Variants in C11orf65 observed in about 807,000 individuals in gnomAD.
The protein encoded by C11orf65 is protein MFI.
A neutral mutation model predicts 35.3 loss-of-function variants in C11orf65; 38 were observed. The ratio of observed to expected loss-of-function variants is 1.08; its 90% confidence interval spans 0.83 to 1.41. The LOEUF (loss-of-function observed/expected upper bound fraction) is 1.41, where lower values mean the gene tolerates loss of function less well. C11orf65 is among the 40% of genes most tolerant of loss of function. The probability of loss-of-function intolerance (pLI) is 0.00; values close to 1 mark genes in which losing one functional copy is unlikely to be tolerated. For synonymous variants in C11orf65, 105 were observed against 114.4 expected (o/e 0.92, Z 0.53); for missense variants, 370 against 367.1 (o/e 1.01, Z -0.06).
At position 108,443,540 on chromosome 11, in the gene C11orf65, G is replaced by A. The variant is rs11512449; in HGVS notation, c.82-11702C>T. Among the ~76,000 whole-genome samples, 923 of 152,140 alleles carry A rather than the reference G, an allele frequency of 6.1e-3. 6 individuals are homozygous for A. Among genetic ancestry groups the A allele is most frequent in the East Asian group, 0.011 (55 of 5,190 alleles). On this transcript the variant is annotated intron_variant, in intron 2 of 8. Transcript: ENST00000393084. ...AATATACATTTTTACAGCATCACAC[G>A]ACACCTATCCCAAAATTGACCCCAT...
intron 7 of C11orf65, among the ~76,000 whole-genome samples, chr11:108,388,999 G>C (rs543181728): frequency 4.3e-4 from 66 of 152,354 alleles, no homozygotes; most frequent in African/African-American, 1.5e-3. Context: ...GGAGAGCATC[G>C]GTCTGTCATA....
chr11:108,369,772 C>T (rs1326773583), intron 2 of C11orf65, among the ~76,000 whole-genome samples: 2 of 152,114 alleles, frequency 1.3e-5, no homozygotes, highest in African/African-American at 4.8e-5. Context: ...TGCTGCCTCA[C>T]TTGATATTTT....
At chr11:108,442,802 C>A (rs1477820467) in intron 2 of C11orf65, among the ~76,000 whole-genome samples, 2 of 152,196 alleles carry the variant, frequency 1.3e-5, no homozygotes, top group East Asian at 3.9e-4. Context: ...ACCAGGCCTC[C>A]CTTACAACAG....
chr11:108,334,697 A>T (rs1189382317), intron 3 of C11orf65, among the ~76,000 whole-genome samples: 1 of 151,520 alleles, frequency 6.6e-6, no homozygotes, highest in African/African-American at 2.4e-5. Flanking sequence ...AACCCAGAAA[A>T]CTCCTTCTAC....
intron 2 of C11orf65, among the ~76,000 whole-genome samples, chr11:108,440,315 A>T (rs2093130896): frequency 6.6e-6 from 1 of 152,190 alleles, no homozygotes; most frequent in Non-Finnish European, 1.5e-5. Flanking sequence ...TATTATGCTC[A>T]TAATTATGGG....
intron 2 of C11orf65, chr11:108,340,122 C>T (rs960878228): frequency 3.3e-5 from 5 of 152,040 alleles, no homozygotes; most frequent in African/African-American, 4.8e-5. Flanking sequence ...ACCACCTTCA[C>T]TTGGTTGCTC....
intron 3 of C11orf65, among the ~76,000 whole-genome samples, chr11:108,413,252 G>A (rs1236220110): frequency 6.6e-6 from 1 of 152,208 alleles, no homozygotes; most frequent in Non-Finnish European, 1.5e-5. Flanking sequence ...ATAGAATGCA[G>A]AGTGGTCAAG....
At chr11:108,334,491 TAA>T (rs1565539733) in intron 3 of C11orf65, among the ~76,000 whole-genome samples, 1 of 152,190 alleles carries the variant, frequency 6.6e-6, no homozygotes, top group Admixed American at 6.5e-5. Flanking sequence ...GGGATATATG[TAA>T]TAAGGGTTAT....
intron 1 of C11orf65, among the ~76,000 whole-genome samples, chr11:108,464,463 G>A (rs2093510292): frequency 6.6e-6 from 1 of 152,098 alleles, no homozygotes; most frequent in Non-Finnish European, 1.5e-5. Context: ...CCGGGTTCAA[G>A]TGATTCTCCT....
intron 6 of C11orf65, among the ~76,000 whole-genome samples, chr11:108,404,595 T>G (rs942766214): frequency 1.3e-5 from 2 of 149,948 alleles, no homozygotes; most frequent in African/African-American, 2.4e-5. Context: ...TCTTTTTTTT[T>G]TTTTTTGGAT....
At chr11:108,464,337 G>A (rs570850638) in intron 1 of C11orf65, among the ~76,000 whole-genome samples, 218 of 135,834 alleles carry the variant, frequency 1.6e-3, no homozygotes, top group Non-Finnish European at 2.7e-3. Flanking sequence ...TCGCTCTGTC[G>A]CCAGGCTGGA....
intron 5 of C11orf65, 46 bp downstream of exon 5, chr11:108,406,717 G>T: frequency 8.4e-7 from 1 of 1,197,102 alleles, no homozygotes; most frequent in Non-Finnish European, 1.2e-6. Context: ...AGACAAATGG[G>T]TTTCTAAATA....
chr11:108,364,018 C>T (rs1343855562), intron 2 of C11orf65, among the ~76,000 whole-genome samples: 1 of 152,132 alleles, frequency 6.6e-6, no homozygotes, highest in East Asian at 1.9e-4. Flanking sequence ...AAACCTTGAA[C>T]TTAACGGACA....
chr11:108,328,895 C>A, downstream of C11orf65: 2 of 1,071,176 alleles, frequency 1.9e-6, no homozygotes, highest in Non-Finnish European at 2.7e-6. Context: ...TGCAATAGTT[C>A]ATATAATTTA....
chr11:108,390,900 C>T (rs1162948524), intron 7 of C11orf65, among the ~76,000 whole-genome samples: 3 of 152,142 alleles, frequency 2.0e-5, no homozygotes, highest in Non-Finnish European at 2.9e-5. Flanking sequence ...ACTATGGACA[C>T]TTAGTCCTTT....
chr11:108,380,030 G>A (rs985686570), downstream of C11orf65, among the ~76,000 whole-genome samples: 6 of 152,154 alleles, frequency 3.9e-5, no homozygotes, highest in Non-Finnish European at 7.4e-5. Context: ...TACACAGCAA[G>A]AGCCCTCATC....
At position 108,413,760 on chromosome 11, in the gene C11orf65, G is replaced by C. The variant is rs2092691687; in HGVS notation, c.175-6611C>G. 2.0e-5 allele frequency among the ~76,000 whole-genome samples: 3 copies of C among 151,832 alleles called. No individual in the cohort carries two copies. In the South Asian group the frequency reaches 6.2e-4, roughly 32 times the overall value. ...AGTATTAAACTAGAAATCAGTAACA[G>C]AGAGATAACTGGAAAACCCCAAAAC... On this transcript the variant is annotated intron_variant, in intron 3 of 8. Coordinates refer to ENST00000393084, the MANE Select transcript of C11orf65 (RefSeq NM_152587.5).
rs947497737 is a variant in C11orf65 at position 108,345,843 on chromosome 11, T to C, written c.227-10551A>G. The C allele has an allele frequency of 6.2e-7, 1 of 1,613,946 alleles. No homozygotes were observed. The highest frequency in any genetic ancestry group is 8.5e-7 in the Non-Finnish European group (1 of 1,179,884). On this transcript the variant is annotated intron_variant, in intron 2 of 3. Coordinates refer to the C11orf65 transcript ENST00000524755. The stretch of plus-strand genomic sequence containing the variant: ...CGTTACTTCTGCATGGAAAAATTCT[T>C]GGATCCAGCTATTTGGTTTGAGAAG...
intron 6 of C11orf65, chr11:108,317,594 A>C: frequency 8.2e-7 from 1 of 1,224,074 alleles, no homozygotes; most frequent in Non-Finnish European, 1.1e-6. Context: ...TTTCTCTTCT[A>C]TGAATATAAC....
Sources: gnomAD v4.1 joint callset for allele counts (sites outside exome capture counted in the v4.1 genomes callset) on GRCh38, gnomAD v4.1.1 for gene constraint, MANE v1.5 for transcripts, NCBI Gene and HGNC (gene_info 2026-07-23, HGNC 2026-07-21) for gene names.